Variants in GPC3 observed in about 807,000 individuals in gnomAD.
GPC3 encodes glypican-3.
A neutral mutation model predicts 34.4 loss-of-function variants in GPC3; 3 were observed. That is an observed-to-expected ratio of 0.09 (90% CI 0.04 to 0.23). The LOEUF (loss-of-function observed/expected upper bound fraction) is 0.23, where lower values mean the gene tolerates loss of function less well. GPC3 is among the 10% of genes least tolerant of loss of function. GPC3 has a pLI of 1.00. For synonymous variants in GPC3, 177 were observed against 174.0 expected (o/e 1.02, Z -0.13); for missense variants, 351 against 445.6 (o/e 0.79, Z 1.91).
chrX:133,892,138 T>G (rs1055823653), intron 2 of GPC3, among the ~76,000 whole-genome samples: 5 of 111,728 alleles, frequency 4.5e-5, no homozygotes, highest in Non-Finnish European at 9.4e-5. Context: ...CTGCATCAGA[T>G]GTAGTCCTTG....
chrX:133,704,534 G>T (rs1274425186), intron 3 of GPC3, among the ~76,000 whole-genome samples: 1 of 108,975 alleles, frequency 9.2e-6, no homozygotes, highest in African/African-American at 3.3e-5. Flanking sequence ...AGTGTGATTG[G>T]ACAAAGAGGT....
At chrX:133,815,868 A>G (rs560645929) in intron 2 of GPC3, among the ~76,000 whole-genome samples, 3 of 111,318 alleles carry the variant, frequency 2.7e-5, no homozygotes, top group African/African-American at 9.8e-5. Context: ...CTGAGTTTTC[A>G]TCTTGAAAAC....
intron 7 of GPC3, among the ~76,000 whole-genome samples, chrX:133,580,881 C>G (rs2069725376): frequency 1.8e-5 from 2 of 112,213 alleles, no homozygotes; most frequent in Admixed American, 1.9e-4. Flanking sequence ...AAATGTTGAA[C>G]AGGAGAGTGG....
intron 7 of GPC3, among the ~76,000 whole-genome samples, chrX:133,553,413 T>A (rs2069454464): frequency 8.9e-6 from 1 of 112,219 alleles, no homozygotes; most frequent in Non-Finnish European, 1.9e-5. Flanking sequence ...TGAGGCTTTA[T>A]AGCCTGGCAT....
intron 5 of GPC3, among the ~76,000 whole-genome samples, chrX:133,669,757 T>C (rs2070809150): frequency 8.9e-6 from 1 of 112,571 alleles, no homozygotes; most frequent in Non-Finnish European, 1.9e-5. Context: ...AAAAATAAAC[T>C]GAGAGATGTT....
chrX:133,584,469 C>G (rs1360383755), intron 7 of GPC3, among the ~76,000 whole-genome samples: 1 of 111,775 alleles, frequency 8.9e-6, no homozygotes, highest in African/African-American at 3.3e-5. Flanking sequence ...GTAGAATAGC[C>G]TCTACTCCAT....
At chrX:133,726,197 C>T (rs1433261737) in intron 3 of GPC3, among the ~76,000 whole-genome samples, 1 of 111,614 alleles carries the variant, frequency 9.0e-6, no homozygotes, top group Non-Finnish European at 1.9e-5. Flanking sequence ...GAGCTAATAA[C>T]ATACATGAAT....
In GPC3 at chrX:133,536,042, GA is replaced by G. The variant is rs1387445154; in HGVS notation, c.*81del. 12 of 746,315 alleles carry G rather than the reference GA, an allele frequency of 1.6e-5. No individual in the cohort carries two copies. The East Asian group carries it at 1.6e-4, about 10-fold the overall frequency. The allele number at this position is 746,315 out of a possible 1,213,427, so 61.5% of individuals were successfully genotyped here. A position where few individuals can be genotyped will look rare whatever the true frequency, so the allele number is the denominator to read the frequency against. On this transcript the variant is annotated 3_prime_UTR_variant, in exon 8 of 8. Coordinates refer to ENST00000370818, the MANE Select transcript of GPC3 (RefSeq NM_004484.4). Reference sequence around the variant, plus strand: ...ACAGGATAACAAAAAAAAAAAAATAGAAAAAAATAAGAAAGTGGTTCCCTTT... The same window carrying G: ...ACAGGATAACAAAAAAAAAAAAATAGAAAAAATAAGAAAGTGGTTCCCTTT...
intron 5 of GPC3, among the ~76,000 whole-genome samples, chrX:133,681,408 T>G (rs774088013): frequency 1.1e-4 from 12 of 112,335 alleles, no homozygotes; most frequent in Non-Finnish European, 2.2e-4. Flanking sequence ...ATCCCTCAAC[T>G]GTTTGGCTAC....
At chrX:133,629,949 G>A (rs2070348230) in intron 6 of GPC3, among the ~76,000 whole-genome samples, 1 of 110,248 alleles carries the variant, frequency 9.1e-6, no homozygotes, top group African/African-American at 3.3e-5. Context: ...AGCTACTTGG[G>A]AGGCTGAGGC....
At chrX:133,921,542 T>C (rs1261930779) in intron 2 of GPC3, among the ~76,000 whole-genome samples, 1 of 112,227 alleles carries the variant, frequency 8.9e-6, no homozygotes, top group Admixed American at 9.4e-5. Context: ...ATTTAGCTAA[T>C]AGATGGCAGA....
At chrX:133,958,886 GAAA>G (rs767192117) in intron 1 of GPC3, among the ~76,000 whole-genome samples, 1 of 60,636 alleles carries the variant, frequency 1.6e-5, no homozygotes. Flanking sequence ...ACTTCGTCTC[GAAA>G]AAAAAAAAAA....
intron 1 of GPC3, among the ~76,000 whole-genome samples, chrX:133,955,501 T>C (rs2076412694): frequency 9.0e-6 from 1 of 111,440 alleles, no homozygotes; most frequent in Non-Finnish European, 1.9e-5. Context: ...TTGGATTAGA[T>C]ATGAATCCAA....
intron 6 of GPC3, among the ~76,000 whole-genome samples, chrX:133,632,251 T>C (rs1603203625): frequency 2.7e-5 from 3 of 111,060 alleles, no homozygotes; most frequent in South Asian, 3.9e-4. Context: ...AGATGTGTAC[T>C]ACCATGTCTG....
chrX:133,758,241 C>T (rs1219188869), intron 2 of GPC3, among the ~76,000 whole-genome samples: 4 of 111,802 alleles, frequency 3.6e-5, no homozygotes, highest in African/African-American at 1.3e-4. Flanking sequence ...TATAAAGATA[C>T]ATGCACATGT....
intron 2 of GPC3, among the ~76,000 whole-genome samples, chrX:133,927,555 C>A (rs1050316977): frequency 1.8e-5 from 2 of 109,730 alleles, no homozygotes; most frequent in African/African-American, 6.6e-5. Context: ...TGGTTCACTG[C>A]AGCCTCATCC....
intron 2 of GPC3, among the ~76,000 whole-genome samples, chrX:133,802,481 CATA>C: frequency 8.9e-6 from 1 of 112,001 alleles, no homozygotes; most frequent in African/African-American, 3.2e-5. Flanking sequence ...TGGGAAAACT[CATA>C]ATGATGATCA....
intron 2 of GPC3, among the ~76,000 whole-genome samples, chrX:133,896,190 C>T: frequency 9.0e-6 from 1 of 110,562 alleles, no homozygotes; most frequent in Non-Finnish European, 1.9e-5. Context: ...GGTGAAACCC[C>T]GTCTACTAAA....
At position 133,896,956 on chromosome X, in the gene GPC3, G is replaced by C. The variant is rs113480167; in HGVS notation, c.337+56094C>G. Among the ~76,000 whole-genome samples the C allele has an allele frequency of 0.01, 1,032 of 102,820 alleles. 46 individuals are homozygous for C. In the East Asian group the frequency reaches 0.17, roughly 17 times the overall value. The allele number at this position is 102,820 out of a possible 115,157, so 89.3% of individuals were successfully genotyped here. ...GAGTCTCGCTCTGTCGCCCAGGCTG[G>C]AGTGCAGTGGCGTGATCTCAGCTCA... is the stretch of plus-strand genomic sequence containing the variant. On this transcript the variant is annotated intron_variant, in intron 2 of 7. Transcript: ENST00000370818.
Sources: allele counts gnomAD v4.1 joint callset (sites outside exome capture counted in the v4.1 genomes callset), GRCh38; gene constraint gnomAD v4.1.1; transcripts MANE v1.5; gene names NCBI Gene and HGNC (gene_info 2026-07-23, HGNC 2026-07-21).